Variants in SOX4 observed in about 807,000 individuals in gnomAD.
The protein encoded by SOX4 is SRY-box transcription factor 4.
For missense variants in SOX4, 662 were observed against 694.9 expected (o/e 0.95, Z 0.53); for synonymous variants, 465 against 348.4 (o/e 1.33, Z -3.73).
rs773817213 is a variant in SOX4, at chr6:21,595,743, C to G, written c.1209C>G (p.Asp403Glu). 1.2e-6 allele frequency: 2 copies of G among 1,612,970 alleles called. No homozygotes were observed. Among genetic ancestry groups the G allele is most frequent in the Non-Finnish European group, 1.7e-6 (2 of 1,179,854 alleles). ...CGTCCTCCGACGACGAGTTCGAAGA[C>G]GACCTGCTCGACCTGAACCCCAGCT... ...GSSSSDDEFEDDLLDLNPSSN... is the reference protein window; with the variant it reads ...GSSSSDDEFEEDLLDLNPSSN... The change falls in exon 1 of 1, where the codon GAC (aspartate) becomes GAG (glutamate). Residue 403 changes from aspartate to glutamate, a missense_variant. By Grantham distance (45) the Asp-to-Glu change is conservative. Coordinates refer to ENST00000244745, the MANE Select transcript of SOX4 (RefSeq NM_003107.3).
In SOX4 at chr6:21,595,281, C is replaced by T. The variant is rs1175918436; in HGVS notation, c.747C>T (p.Pro249=). The change falls in exon 1 of 1, where the codon CCC becomes CCT. Residue 249 remains proline (P), a synonymous_variant. Coordinates refer to ENST00000244745, the MANE Select transcript of SOX4 (RefSeq NM_003107.3). The part of the protein sequence containing the change: ...AEQAGAAALL[P]LGAAADHHSL... The stretch of plus-strand genomic sequence containing the variant: ...AGGCGGGGGCCGCCGCCCTGCTGCC[C>T]CTGGGCGCCGCCGCCGACCACCACT... 6 of 1,405,886 alleles carry T rather than the reference C, an allele frequency of 4.3e-6. No individual in the cohort carries two copies. Among genetic ancestry groups the T allele is most frequent in the African/African-American group, 3.0e-5 (2 of 66,756 alleles). 87.1% of individuals were successfully genotyped at this position (1,405,886 alleles called of 1,614,324 possible). A position where few individuals can be genotyped will look rare whatever the true frequency, so the allele number is the denominator to read the frequency against.
chr6:21,595,023 G>A lies in SOX4; in HGVS notation c.489G>A (p.Gly163=). 6.8e-7 allele frequency: 1 copy of A among 1,472,830 alleles called. No homozygotes were observed. Among genetic ancestry groups the A allele is most frequent in the Non-Finnish European group, 9.0e-7 (1 of 1,108,426 alleles). 91.2% of individuals were successfully genotyped at this position (1,472,830 alleles called of 1,614,324 possible). Residue 163 remains glycine, a synonymous_variant, in exon 1 of 1, where the codon GGG becomes GGA. Transcript: ENST00000244745. ...GAGACAAGGTCGGTGGCAGTGGCGG[G>A]GGCGGCCATGGGGGCGGCGGCGGCG... The part of the protein sequence containing the change: ...EKGDKVGGSG[G]GGHGGGGGGG...
At position 21,596,361 on chromosome 6, in the gene SOX4, A is replaced by G. The variant is rs903007596; in HGVS notation, c.*402A>G. 1.2e-5 allele frequency: 2 copies of G among 172,834 alleles called. No homozygotes were observed. The highest frequency in any genetic ancestry group is 6.5e-5 in the Admixed American group (1 of 15,374). 10.7% of individuals were successfully genotyped at this position (172,834 alleles called of 1,614,324 possible). A position where few individuals can be genotyped will look rare whatever the true frequency, so the allele number is the denominator to read the frequency against. ...AGCTTCCGGACTTGTCTGCACCCCC[A>G]GCAAGAAGGCGAGTTAGTTTTCTAG... On this transcript the variant is annotated 3_prime_UTR_variant, in exon 1 of 1. Transcript: ENST00000244745.
Position 21,595,415 on chromosome 6 carries a change from A to C in SOX4, c.881A>C (p.Lys294Thr), listed in dbSNP as rs769546589. The change falls in exon 1 of 1, where the codon AAG (lysine) becomes ACG (threonine). Residue 294 changes from lysine to threonine, a missense_variant. Lys to Thr is a moderately conservative substitution (Grantham distance 78). Transcript: ENST00000244745. ...AAGCACCTGGCGGAGAAGAAGGTGA[A>C]GCGCGTCTACCTGTTCGGCGGCCTG... ...PGKHLAEKKV[K>T]RVYLFGGLGT... is the part of the protein sequence containing the mutation. The C allele has an allele frequency of 6.5e-7, 1 of 1,533,432 alleles. No homozygotes were observed. 95.0% of individuals were successfully genotyped at this position (1,533,432 alleles called of 1,614,324 possible). A position where few individuals can be genotyped will look rare whatever the true frequency, so the allele number is the denominator to read the frequency against.
At position 21,597,580 on chromosome 6, in the gene SOX4, A is replaced by C. The variant is rs1157843791; in HGVS notation, c.*1621A>C. On this transcript the variant is annotated 3_prime_UTR_variant, in exon 1 of 1. Coordinates refer to ENST00000244745, the MANE Select transcript of SOX4 (RefSeq NM_003107.3). ...ACCCACGCCATTTTACGTCTCCTTC[A>C]CTGAAGGGCTAGAGTTTTAACTTTT... The C allele has an allele frequency of 8.1e-6, 1 of 122,776 alleles. No individual in the cohort carries two copies. Among genetic ancestry groups the C allele is most frequent in the African/African-American group, 3.7e-5 (1 of 27,362 alleles). 7.6% of individuals were successfully genotyped at this position (122,776 alleles called of 1,614,324 possible).
rs753377607 is a variant in SOX4 at position 21,595,694 on chromosome 6, C to T, written c.1160C>T (p.Ser387Phe). 5.0e-6 allele frequency: 8 copies of T among 1,592,684 alleles called. No individual in the cohort carries two copies. In the East Asian group the frequency reaches 6.8e-5, roughly 14 times the overall value. ...HASSSASSHS[S>F]SSSSSGSSSS... ...TCCTCCTCGGCCTCGTCCCACTCCT[C>T]CTCTTCCTCCTCCTCGGGCTCCTCG... Residue 387 changes from serine (S) to phenylalanine (F), a missense_variant, in exon 1 of 1, where the codon TCC (serine) becomes TTC (phenylalanine). Transcript: ENST00000244745.
chr6:21,593,936 T>C lies in SOX4; in HGVS notation c.-599T>C, dbSNP rs1763078512. ...ATGCCAGTCTGTTGCATGCAGGCTT[T>C]TTGGCTTCCTACCTTGCAACAAAAT... On this transcript the variant is annotated 5_prime_UTR_variant, in exon 1 of 1. Coordinates refer to ENST00000244745, the MANE Select transcript of SOX4 (RefSeq NM_003107.3). 1.3e-5 allele frequency: 2 copies of C among 151,904 alleles called. No homozygotes were observed. Among genetic ancestry groups the C allele is most frequent in the African/African-American group, 4.8e-5 (2 of 41,338 alleles). The allele number at this position is 151,904 out of a possible 1,614,324, so 9.4% of individuals were successfully genotyped here. A position where few individuals can be genotyped will look rare whatever the true frequency, so the allele number is the denominator to read the frequency against.
rs1763107971 is a variant in SOX4, at chr6:21,595,091, G to T, written c.557G>T (p.Gly186Val). The T allele has an allele frequency of 7.1e-7, 1 of 1,405,958 alleles. No homozygotes were observed. The highest frequency in any genetic ancestry group is 9.2e-7 in the Non-Finnish European group (1 of 1,088,786). 87.1% of individuals were successfully genotyped at this position (1,405,958 alleles called of 1,614,324 possible). Residue 186 changes from glycine (G) to valine (V), a missense_variant, in exon 1 of 1, where the codon GGC (glycine) becomes GTC (valine). Physicochemically the swap from Gly to Val is moderately radical, Grantham distance 109. Transcript: ENST00000244745. Reference protein sequence around the residue: ...NAGGGGGGASGGGANSKPAQK... With the variant: ...NAGGGGGGASVGGANSKPAQK... ...GGGGGAGGAGGCGGCGGTGCGAGTG[G>T]CGGCGGCGCCAACTCCAAACCGGCG...
At position 21,594,057 on chromosome 6, in the gene SOX4, G is replaced by A. The variant is rs1449871642; in HGVS notation, c.-478G>A. On this transcript the variant is annotated 5_prime_UTR_variant, in exon 1 of 1. An upstream open reading frame in the 5' UTR loses its in-frame stop. Coordinates refer to ENST00000244745, the MANE Select transcript of SOX4 (RefSeq NM_003107.3). The stretch of plus-strand genomic sequence containing the variant: ...ATTGTAGGAGAGGGACTAAGTGCTA[G>A]AGACTATGTCGCTTTCCTGAGCTAC... 1 of 152,102 alleles carries A rather than the reference G, an allele frequency of 6.6e-6. No individual in the cohort carries two copies. The highest frequency in any genetic ancestry group is 2.4e-5 in the African/African-American group (1 of 40,972). The allele number at this position is 152,102 out of a possible 1,614,324, so 9.4% of individuals were successfully genotyped here. A position where few individuals can be genotyped will look rare whatever the true frequency, so the allele number is the denominator to read the frequency against.
In SOX4 at chr6:21,594,590, G is replaced by A; in HGVS notation, c.56G>A (p.Ser19Asn). ...ACGGAAGCGCTGCTGGCCGGCGAGA[G>A]CTCGGACTCGGGCGCCGGCCTCGAG... ...ENTEALLAGE[S>N]SDSGAGLELG... Residue 19 changes from serine to asparagine, a missense_variant, in exon 1 of 1, where the codon AGC becomes AAC. Coordinates refer to ENST00000244745, the MANE Select transcript of SOX4 (RefSeq NM_003107.3). The A allele has an allele frequency of 6.2e-7, 1 of 1,609,174 alleles. No homozygotes were observed. Among genetic ancestry groups the A allele is most frequent in the Non-Finnish European group, 8.5e-7 (1 of 1,178,820 alleles).
rs983998407 is a variant in SOX4, at chr6:21,595,223, C to T, written c.689C>T (p.Ala230Val). The T allele has an allele frequency of 5.6e-5, 67 of 1,200,040 alleles. 1 individual carries two copies. Among genetic ancestry groups the T allele is most frequent in the Admixed American group, 9.1e-5 (2 of 21,954 alleles). 74.3% of individuals were successfully genotyped at this position (1,200,040 alleles called of 1,614,324 possible). Residue 230 changes from alanine to valine, a missense_variant, in exon 1 of 1, where the codon GCG becomes GTG. Coordinates refer to ENST00000244745, the MANE Select transcript of SOX4 (RefSeq NM_003107.3). ...LAGGGGGGKA[A>V]AAAAASFAAE... ...GGCGGCGGCGGCGGCGGGAAAGCAGCGGCTGCCGCCGCCGCCTCCTTCGCC... is the reference window on the plus strand; with the variant it reads ...GGCGGCGGCGGCGGCGGGAAAGCAGTGGCTGCCGCCGCCGCCTCCTTCGCC...
Position 21,597,217 on chromosome 6 carries a change from C to CT in SOX4, c.*1261dup, listed in dbSNP as rs1196990900. ...CACCAGCTTTTTTTCATTCTTAACT[C>CT]TTTAAAGGATTCAAACGCAACTCAA... On this transcript the variant is annotated 3_prime_UTR_variant, in exon 1 of 1. Transcript: ENST00000244745. 2 of 166,706 alleles carry CT rather than the reference C, an allele frequency of 1.2e-5. No homozygotes were observed. Among genetic ancestry groups the CT allele is most frequent in the South Asian group, 2.1e-4 (1 of 4,828 alleles). The allele number at this position is 166,706 out of a possible 1,614,324, so 10.3% of individuals were successfully genotyped here.
At position 21,595,197 on chromosome 6, in the gene SOX4, A is replaced by AGGCGGC. The variant is rs552547778; in HGVS notation, c.675_680dup (p.Gly226_Gly227dup). ...AACCGCACGCCAAGCTCATCCTGGCAGGCGGCGGCGGCGGCGGGAAAGCAG... is the reference window on the plus strand; with the variant it reads ...AACCGCACGCCAAGCTCATCCTGGCAGGCGGCGGCGGCGGCGGCGGCGGGAAAGCAG... On this transcript the variant is annotated inframe_insertion, in exon 1 of 1. Coordinates refer to ENST00000244745, the MANE Select transcript of SOX4 (RefSeq NM_003107.3). 2.5e-4 allele frequency: 296 copies of AGGCGGC among 1,196,104 alleles called. No individual in the cohort carries two copies. The South Asian group carries it at 9.1e-3, about 37-fold the overall frequency. 74.1% of individuals were successfully genotyped at this position (1,196,104 alleles called of 1,614,324 possible).
Position 21,597,522 on chromosome 6 carries a change from C to CTTTTTTTTTTTTTTTTTTTTTTGT in SOX4, c.*1582_*1583insTTTGTTTTTTTTTTTTTTTTTTTT. On this transcript the variant is annotated 3_prime_UTR_variant, in exon 1 of 1. Transcript: ENST00000244745. ...CTTTTCCTTTTTTTCTTTTTTTTTT[C>CTTTTTTTTTTTTTTTTTTTTTTGT]TTTTTTTTTTTTTTTTTTTGGTAGT... is the stretch of plus-strand genomic sequence containing the variant. The CTTTTTTTTTTTTTTTTTTTTTTGT allele has an allele frequency of 1.2e-5, 1 of 86,870 alleles. No individual in the cohort carries two copies. Among genetic ancestry groups the CTTTTTTTTTTTTTTTTTTTTTTGT allele is most frequent in the Non-Finnish European group, 2.3e-5 (1 of 43,146 alleles). The allele number at this position is 86,870 out of a possible 1,614,324, so 5.4% of individuals were successfully genotyped here.
chr6:21,594,489 C>G lies in SOX4; in HGVS notation c.-46C>G. 5 of 1,363,350 alleles carry G rather than the reference C, an allele frequency of 3.7e-6. No homozygotes were observed. Among genetic ancestry groups the G allele is most frequent in the Non-Finnish European group, 4.7e-6 (5 of 1,066,064 alleles). 84.5% of individuals were successfully genotyped at this position (1,363,350 alleles called of 1,614,324 possible). On this transcript the variant is annotated 5_prime_UTR_variant, in exon 1 of 1. Coordinates refer to ENST00000244745, the MANE Select transcript of SOX4 (RefSeq NM_003107.3). Reference sequence around the variant, plus strand: ...GAGGGCCCGGCGATCGCGCGGCGGCCGCCGCGAGGGTGTGAGCGCGCGTGG... The same window carrying G: ...GAGGGCCCGGCGATCGCGCGGCGGCGGCCGCGAGGGTGTGAGCGCGCGTGG...
At position 21,596,194 on chromosome 6, in the gene SOX4, CCGGAGGGACG is replaced by C. The variant is rs1225391585; in HGVS notation, c.*242_*251del. ...CGGGCCGGGGACCCACTCTGCCCAG[CCGGAGGGACG>C]CGGAGGAGGAAGAGGGTAGACAGGG... On this transcript the variant is annotated 3_prime_UTR_variant, in exon 1 of 1. Transcript: ENST00000244745. The C allele has an allele frequency of 2.0e-6, 1 of 495,244 alleles. No homozygotes were observed. The highest frequency in any genetic ancestry group is 2.0e-5 in the African/African-American group (1 of 49,508). 30.7% of individuals were successfully genotyped at this position (495,244 alleles called of 1,614,324 possible). A position where few individuals can be genotyped will look rare whatever the true frequency, so the allele number is the denominator to read the frequency against.
chr6:21,594,990 G>C lies in SOX4; in HGVS notation c.456G>C (p.Gly152=). The C allele has an allele frequency of 6.3e-7, 1 of 1,579,312 alleles. No homozygotes were observed. The highest frequency in any genetic ancestry group is 8.6e-7 in the Non-Finnish European group (1 of 1,163,134). The change falls in exon 1 of 1, where the codon GGG becomes GGC. Residue 152 remains glycine (G), a synonymous_variant. Transcript: ENST00000244745. ...SSSAAASSKP[G]EKGDKVGGSG... is the part of the protein sequence containing the mutation. ...CGGCCGCCGCCTCCTCCAAGCCGGGGGAGAAGGGAGACAAGGTCGGTGGCA... is the reference window on the plus strand; with the variant it reads ...CGGCCGCCGCCTCCTCCAAGCCGGGCGAGAAGGGAGACAAGGTCGGTGGCA...
In SOX4 at chr6:21,598,220, T is replaced by C. The variant is rs1299428421; in HGVS notation, c.*2261T>C. 1 of 167,088 alleles carries C rather than the reference T, an allele frequency of 6.0e-6. No individual in the cohort carries two copies. Among genetic ancestry groups the C allele is most frequent in the Non-Finnish European group, 1.5e-5 (1 of 68,134 alleles). 10.4% of individuals were successfully genotyped at this position (167,088 alleles called of 1,614,324 possible). On this transcript the variant is annotated 3_prime_UTR_variant, in exon 1 of 1. Coordinates refer to ENST00000244745, the MANE Select transcript of SOX4 (RefSeq NM_003107.3). ...TAATTGTTTTAGTCTTATGGCATGATGATAGCATATGTGTTCAGGTTTATA... is the reference window on the plus strand; with the variant it reads ...TAATTGTTTTAGTCTTATGGCATGACGATAGCATATGTGTTCAGGTTTATA...
chr6:21,596,246 G>T lies in SOX4; in HGVS notation c.*287G>T. On this transcript the variant is annotated 3_prime_UTR_variant, in exon 1 of 1. Transcript: ENST00000244745. ...TAGACAGGGGCGACCTGTGATTGTT[G>T]TTATTGATGTTGTTGTTGATGGCAA... 3 of 197,410 alleles carry T rather than the reference G, an allele frequency of 1.5e-5. No individual in the cohort carries two copies. The highest frequency in any genetic ancestry group is 1.2e-4 in the East Asian group (1 of 8,168). 12.2% of individuals were successfully genotyped at this position (197,410 alleles called of 1,614,324 possible). A position where few individuals can be genotyped will look rare whatever the true frequency, so the allele number is the denominator to read the frequency against.
Sources: gnomAD v4.1 joint callset for allele counts on GRCh38, gnomAD v4.1.1 for gene constraint, MANE v1.5 for transcripts, NCBI Gene and HGNC (gene_info 2026-07-23, HGNC 2026-07-21) for gene names.